Variants in TMC1 observed in about 807,000 individuals in gnomAD.
TMC1 encodes transmembrane channel like 1, also known as transmembrane channel-like protein 1.
A neutral mutation model predicts 105.8 loss-of-function variants in TMC1; 84 were observed. That is an observed-to-expected ratio of 0.79 (90% CI 0.67 to 0.95). TMC1 has a LOEUF of 0.95. TMC1 is among the 40% of genes least tolerant of loss of function. The probability of loss-of-function intolerance (pLI) is 0.00; values close to 1 mark genes in which losing one functional copy is unlikely to be tolerated. For synonymous variants in TMC1, 315 were observed against 311.5 expected (o/e 1.01, Z -0.12); for missense variants, 817 against 914.1 (o/e 0.89, Z 1.37).
At chr9:72,655,598 C>G (rs1825870867) in intron 5 of TMC1, among the ~76,000 whole-genome samples, 1 of 151,920 alleles carries the variant, frequency 6.6e-6, no homozygotes, top group African/African-American at 2.4e-5. Context: ...AAAAATTAGC[C>G]AGGCATGGTG....
At chr9:72,707,927 GA>G (rs1326828117) in intron 8 of TMC1, among the ~76,000 whole-genome samples, 9 of 152,056 alleles carry the variant, frequency 5.9e-5, no homozygotes, top group Admixed American at 5.9e-4. Context: ...ATTTTGAGTT[GA>G]TTTTTGTATA....
intron 12 of TMC1, among the ~76,000 whole-genome samples, chr9:72,757,722 T>C (rs1394753754): frequency 6.6e-6 from 1 of 152,234 alleles, no homozygotes; most frequent in Non-Finnish European, 1.5e-5. Context: ...AATTTTTCAC[T>C]TGTGGCATCA....
intron 13 of TMC1, among the ~76,000 whole-genome samples, chr9:72,777,913 T>G (rs1425401023): frequency 6.6e-6 from 1 of 152,214 alleles, no homozygotes; most frequent in African/African-American, 2.4e-5. Context: ...CTCTTTCCAG[T>G]GCTAAGTTTA....
At chr9:72,783,695 T>A (rs1391380339) in intron 13 of TMC1, among the ~76,000 whole-genome samples, 3 of 152,040 alleles carry the variant, frequency 2.0e-5, no homozygotes, top group Non-Finnish European at 4.4e-5. Flanking sequence ...AACCACCACA[T>A]AGACCAATGG....
intron 1 of TMC1, among the ~76,000 whole-genome samples, chr9:72,541,717 C>A (rs1484161968): frequency 6.6e-6 from 1 of 151,488 alleles, no homozygotes; most frequent in African/African-American, 2.4e-5. Context: ...TAGAAGCTTT[C>A]CAGGGTGGTC....
intron 1 of TMC1, among the ~76,000 whole-genome samples, chr9:72,575,650 A>G (rs1273865943): frequency 6.6e-6 from 1 of 152,218 alleles, no homozygotes; most frequent in Non-Finnish European, 1.5e-5. Context: ...TCATTGGTCC[A>G]TTCTTGCCCA....
Position 72,688,700 on chromosome 9 carries a change from C to T in TMC1, c.17-9C>T, listed in dbSNP as rs368677040. The T allele has an allele frequency of 6.2e-7, 1 of 1,608,666 alleles. No homozygotes were observed. The highest frequency in any genetic ancestry group is 8.5e-7 in the Non-Finnish European group (1 of 1,176,218). On this transcript the variant is annotated splice_polypyrimidine_tract_variant and intron_variant, in intron 5 of 23. Coordinates refer to ENST00000297784, the MANE Select transcript of TMC1 (RefSeq NM_138691.3). ...AAATAATTGCTGTACTGTTTTCTTTCCTCAACAGTACAAATCAAAGTGGAG... is the reference window on the plus strand; with the variant it reads ...AAATAATTGCTGTACTGTTTTCTTTTCTCAACAGTACAAATCAAAGTGGAG...
chr9:72,744,913 C>T (rs1827464071), intron 10 of TMC1, among the ~76,000 whole-genome samples: 1 of 152,162 alleles, frequency 6.6e-6, no homozygotes, highest in African/African-American at 2.4e-5. Flanking sequence ...TCATGAGTGT[C>T]ACAGTAGAAA....
At chr9:72,674,156 A>G (rs772103206) in intron 5 of TMC1, among the ~76,000 whole-genome samples, 7 of 152,216 alleles carry the variant, frequency 4.6e-5, no homozygotes, top group Admixed American at 2.0e-4. Flanking sequence ...ATAAATGGAA[A>G]CCTCATTTGT....
chr9:72,740,265 G>A (rs1827366116), intron 9 of TMC1, 56 bp downstream of exon 9: 2 of 1,474,302 alleles, frequency 1.4e-6, no homozygotes, highest in East Asian at 2.3e-5. Context: ...GAAGAACACT[G>A]GTTCTTTTCT....
At chr9:72,757,897 C>T (rs1282312528) in intron 12 of TMC1, among the ~76,000 whole-genome samples, 1 of 152,126 alleles carries the variant, frequency 6.6e-6, no homozygotes, top group Non-Finnish European at 1.5e-5. Context: ...GGTGGTATTA[C>T]ACACGGTAAT....
intron 3 of TMC1, among the ~76,000 whole-genome samples, chr9:72,618,500 C>CAAATTA (rs1825184610): frequency 6.6e-6 from 1 of 152,086 alleles, no homozygotes; most frequent in African/African-American, 2.4e-5. Flanking sequence ...TTTCAAGTGA[C>CAAATTA]TTTAACACAT....
chr9:72,809,786 T>G (rs943356042), intron 18 of TMC1, among the ~76,000 whole-genome samples: 2 of 152,210 alleles, frequency 1.3e-5, no homozygotes, highest in African/African-American at 4.8e-5. Flanking sequence ...GTATTCCCAC[T>G]AGGGAGAAAT....
chr9:72,739,579 C>G (rs1381809593), intron 8 of TMC1, among the ~76,000 whole-genome samples: 1 of 152,164 alleles, frequency 6.6e-6, no homozygotes, highest in Non-Finnish European at 1.5e-5. Context: ...TATTCCTTTT[C>G]TCTCTCTTTC....
At chr9:72,575,823 C>T (rs1824369424) in intron 1 of TMC1, among the ~76,000 whole-genome samples, 1 of 152,122 alleles carries the variant, frequency 6.6e-6, no homozygotes, top group Non-Finnish European at 1.5e-5. Flanking sequence ...TTTTTCTTCT[C>T]TGGAGTGGAA....
chr9:72,788,469 A>C lies in TMC1; in HGVS notation c.1015A>C (p.Thr339Pro), dbSNP rs962204105. Residue 339 changes from threonine to proline, a missense_variant, in exon 14 of 24, where the codon ACA becomes CCA. Coordinates refer to ENST00000297784, the MANE Select transcript of TMC1 (RefSeq NM_138691.3). ...AGCAGACAACAAATTTAATTCTATC[A>C]CAATGAACTTTAAGGTAGAGGCACC... ...ETADNKFNSI[T>P]MNFKEAITEE... is the part of the protein sequence containing the mutation. 8 of 1,613,890 alleles carry C rather than the reference A, an allele frequency of 5.0e-6. No individual in the cohort carries two copies. Among genetic ancestry groups the C allele is most frequent in the Non-Finnish European group, 6.8e-6 (8 of 1,179,900 alleles).
chr9:72,522,865 T>C (rs1823338986), intron 1 of TMC1, among the ~76,000 whole-genome samples: 1 of 152,238 alleles, frequency 6.6e-6, no homozygotes. Flanking sequence ...TTAGCACTAT[T>C]GGCCTTTGGG....
At chr9:72,616,733 T>C (rs565756187) in intron 3 of TMC1, among the ~76,000 whole-genome samples, 105 of 151,844 alleles carry the variant, frequency 6.9e-4, no homozygotes, top group Middle Eastern at 3.4e-3. Flanking sequence ...AGGAAAGCAG[T>C]TGGAAAATCA....
At chr9:72,586,192 G>C (rs1343911962) in intron 2 of TMC1, among the ~76,000 whole-genome samples, 3 of 152,190 alleles carry the variant, frequency 2.0e-5, no homozygotes, top group Non-Finnish European at 4.4e-5. Flanking sequence ...ACACAGTAGG[G>C]CTTGGGGATT....
Sources: allele counts gnomAD v4.1 joint callset (sites outside exome capture counted in the v4.1 genomes callset), GRCh38; gene constraint gnomAD v4.1.1; transcripts MANE v1.5; gene names NCBI Gene and HGNC (gene_info 2026-07-23, HGNC 2026-07-21).